Variants in KHDRBS2 observed in about 807,000 individuals in gnomAD.
The protein encoded by KHDRBS2 is KH domain-containing, RNA-binding, signal transduction-associated protein 2.
Under a neutral mutation model 44.3 loss-of-function variants are expected in KHDRBS2, and 26 were observed. The ratio of observed to expected loss-of-function variants is 0.59; its 90% CI spans 0.43 to 0.81. The LOEUF is 0.81. Ranked by LOEUF, KHDRBS2 falls within the 40% of genes least tolerant of loss-of-function variation. The pLI is 0.00. For synonymous variants in KHDRBS2, 194 were observed against 151.1 expected, an observed-to-expected ratio of 1.28 and a Z score of -2.08; for missense variants, 476 against 433.1, an observed-to-expected ratio of 1.10 and a Z score of -0.88.
chr6:61,550,883 C>T, the KHDRBS2 span, among the ~76,000 whole-genome samples: 129 of 150,948 alleles, frequency 8.5e-4, no homozygotes, highest in African/African-American at 2.9e-3. Flanking sequence ...AGTGATTCTC[C>T]TCCTCATCTT....
intron 1 of KHDRBS2, among the ~76,000 whole-genome samples, chr6:62,181,860 C>T (rs1039503215): frequency 4.6e-5 from 7 of 151,960 alleles, no homozygotes; most frequent in Non-Finnish European, 1.0e-4. Flanking sequence ...CATGGGAACA[C>T]AGCTAGAAGG....
intron 6 of KHDRBS2, among the ~76,000 whole-genome samples, chr6:61,740,184 T>C (rs1363652070): frequency 1.3e-5 from 2 of 151,868 alleles, no homozygotes; most frequent in Non-Finnish European, 2.9e-5. Flanking sequence ...AAGTTGTTGT[T>C]TGAGATTGGT....
At position 61,881,312 on chromosome 6, in the gene KHDRBS2, T is replaced by C. The variant is rs1433296179; in HGVS notation, c.810+13323A>G. Reference sequence around the variant, plus strand: ...ATTGGCATTGCCAGTGGTGTGACTTTAGTCAGTTACTCTCCTAACCTTAAT... The same window carrying C: ...ATTGGCATTGCCAGTGGTGTGACTTCAGTCAGTTACTCTCCTAACCTTAAT... On this transcript the variant is annotated intron_variant, in intron 6 of 8. Transcript: ENST00000281156. Among the ~76,000 whole-genome samples the C allele has an allele frequency of 2.6e-5, 4 of 151,366 alleles. No homozygotes were observed. In the East Asian group the frequency reaches 7.7e-4, roughly 29 times the overall value.
At chr6:61,778,965 C>T (rs1024898377) in intron 6 of KHDRBS2, among the ~76,000 whole-genome samples, 3 of 152,098 alleles carry the variant, frequency 2.0e-5, no homozygotes, top group Admixed American at 1.3e-4. Context: ...GGCATCAGAC[C>T]CATTTCCACA....
chr6:62,148,216 C>T (rs2150103327), intron 2 of KHDRBS2, among the ~76,000 whole-genome samples: 1 of 152,096 alleles, frequency 6.6e-6, no homozygotes, highest in East Asian at 1.9e-4. Flanking sequence ...AGTCTATTCT[C>T]TGACCATAGA....
intron 6 of KHDRBS2, among the ~76,000 whole-genome samples, chr6:61,744,072 T>C (rs1776541935): frequency 6.6e-6 from 1 of 152,190 alleles, no homozygotes; most frequent in African/African-American, 2.4e-5. Flanking sequence ...CTATTGTGAA[T>C]AGTGCCGCTA....
At chr6:61,871,146 G>A (rs1424216718) in intron 6 of KHDRBS2, among the ~76,000 whole-genome samples, 1 of 152,160 alleles carries the variant, frequency 6.6e-6, no homozygotes, top group East Asian at 1.9e-4. Flanking sequence ...AGAATAACCA[G>A]TTTAGAGAGG....
chr6:61,920,357 T>C (rs1386865991), intron 4 of KHDRBS2, among the ~76,000 whole-genome samples: 2 of 151,922 alleles, frequency 1.3e-5, no homozygotes, highest in Admixed American at 6.6e-5. Flanking sequence ...GGATTAAACA[T>C]GTAAATTGCT....
At chr6:61,935,322 C>T (rs1191871823) in intron 4 of KHDRBS2, among the ~76,000 whole-genome samples, 2 of 152,114 alleles carry the variant, frequency 1.3e-5, no homozygotes, top group Non-Finnish European at 2.9e-5. Flanking sequence ...GCCAGTATCA[C>T]CTCTGTCAAG....
chr6:61,953,500 TA>T (rs1005410102), intron 4 of KHDRBS2, among the ~76,000 whole-genome samples: 23 of 152,082 alleles, frequency 1.5e-4, no homozygotes, highest in Non-Finnish European at 3.2e-4. Context: ...AAAATCGCTA[TA>T]TTTTTTTAAA....
the KHDRBS2 span, among the ~76,000 whole-genome samples, chr6:61,617,382 CT>C: frequency 6.6e-6 from 1 of 152,044 alleles, no homozygotes; most frequent in African/African-American, 2.4e-5. Flanking sequence ...GATTATCAGT[CT>C]CATTGTCCTA....
intron 1 of KHDRBS2, among the ~76,000 whole-genome samples, chr6:62,268,893 T>G (rs1839632770): frequency 1.3e-5 from 2 of 152,050 alleles, no homozygotes; most frequent in Non-Finnish European, 2.9e-5. Context: ...GAAAAACAAT[T>G]CATATATTCA....
At chr6:61,918,523 T>C (rs1807446453) in intron 4 of KHDRBS2, among the ~76,000 whole-genome samples, 1 of 151,884 alleles carries the variant, frequency 6.6e-6, no homozygotes, top group African/African-American at 2.4e-5. Context: ...CCTCTCTCTC[T>C]CCACCATGTA....
intron 6 of KHDRBS2, among the ~76,000 whole-genome samples, chr6:61,841,528 G>T (rs187534128): frequency 6.6e-6 from 1 of 152,266 alleles, no homozygotes; most frequent in East Asian, 1.9e-4. Context: ...TTTTAATAAT[G>T]ACCTCATTAA....
At chr6:62,040,283 G>C (rs1225908223) in intron 3 of KHDRBS2, among the ~76,000 whole-genome samples, 1 of 151,836 alleles carries the variant, frequency 6.6e-6, no homozygotes, top group Non-Finnish European at 1.5e-5. Flanking sequence ...GTCTAGAAAT[G>C]ATCAATCTGC....
At chr6:62,146,805 T>A (rs549557596) in intron 2 of KHDRBS2, among the ~76,000 whole-genome samples, 1 of 151,844 alleles carries the variant, frequency 6.6e-6, no homozygotes, top group African/African-American at 2.4e-5. Flanking sequence ...AATGGTACGC[T>A]ATACATCTAT....
chr6:61,611,838 C>T, the KHDRBS2 span, among the ~76,000 whole-genome samples: 2 of 152,170 alleles, frequency 1.3e-5, no homozygotes. Flanking sequence ...TCTATTCCTC[C>T]CTCTCTAGTA....
chr6:61,561,796 G>A, the KHDRBS2 span, among the ~76,000 whole-genome samples: 3 of 152,270 alleles, frequency 2.0e-5, no homozygotes, highest in East Asian at 5.8e-4. Context: ...TAGTAGTTTT[G>A]AGTCAGTCTA....
intron 4 of KHDRBS2, among the ~76,000 whole-genome samples, chr6:61,936,245 CT>C (rs1223998087): frequency 8.6e-5 from 13 of 151,858 alleles, no homozygotes; most frequent in Admixed American, 6.6e-4. Context: ...CATTTTCTTT[CT>C]TTTTTTATTC....
Sources: allele counts gnomAD v4.1 joint callset (sites outside exome capture counted in the v4.1 genomes callset), GRCh38; gene constraint gnomAD v4.1.1; transcripts MANE v1.5; gene names NCBI Gene and HGNC (gene_info 2026-07-23, HGNC 2026-07-21).